Variants in CAD observed in about 807,000 individuals in gnomAD.
CAD encodes the protein multifunctional protein CAD.
A neutral mutation model predicts 237.2 loss-of-function variants in CAD; 81 were observed. The observed-to-expected ratio is 0.34, with a 90% CI of 0.29 to 0.41. The LOEUF (loss-of-function observed/expected upper bound fraction) is 0.41, where lower values mean the gene tolerates loss of function less well. CAD is among the 10% of genes least tolerant of loss of function. The pLI is 1.00. For synonymous variants in CAD, 1,196 were observed against 1,162.8 expected (o/e 1.03, Z -0.58); for missense variants, 2,181 against 2,951.7 (o/e 0.74, Z 6.05).
chr2:27,235,459 C>A lies in CAD; in HGVS notation c.3969+32C>A. 6.2e-7 allele frequency: 1 copy of A among 1,608,196 alleles called. No homozygotes were observed. Among genetic ancestry groups the A allele is most frequent in the South Asian group, 1.1e-5 (1 of 90,594 alleles). ...GAATCCAGGAGGGCTTCCCGAGGGC[C>A]GTGGCTCCCTGGGCCAGGGCTGACC... is the stretch of plus-strand genomic sequence containing the variant. On this transcript the variant is annotated intron_variant, in intron 24 of 43. Transcript: ENST00000264705. This position sits in a 1 kb window ranked among gnomAD's most constrained non-coding sequence, Gnocchi z 5.2.
intron 15 of CAD, 42 bp from the exon 16 acceptor site, chr2:27,231,426 T>C (rs575889866): frequency 2.6e-6 from 3 of 1,172,730 alleles, no homozygotes; most frequent in Non-Finnish European, 3.9e-6. Flanking sequence ...TTCCCACCCC[T>C]TCCACCTCCA....
At chr2:27,219,196 C>T (rs1349498596) in intron 2 of CAD, among the ~76,000 whole-genome samples, 1 of 152,216 alleles carries the variant, frequency 6.6e-6, no homozygotes, top group Non-Finnish European at 1.5e-5. Context: ...AACTATCCTT[C>T]AGATCCCTGG....
intron 7 of CAD, 64 bp from the exon 8 acceptor site, chr2:27,223,853 C>T (rs1345879124): frequency 3.4e-5 from 53 of 1,544,526 alleles, no homozygotes; most frequent in Non-Finnish European, 3.5e-5. Flanking sequence ...CCACTACCCA[C>T]CTCGAGGCTG....
chr2:27,229,701 C>T (rs576519997), intron 15 of CAD, among the ~76,000 whole-genome samples: 2 of 151,482 alleles, frequency 1.3e-5, no homozygotes, highest in African/African-American at 4.8e-5. Flanking sequence ...TATGGTGAAA[C>T]CCCATCTCTA....
chr2:27,221,852 ACCTTGTAACCTATTTGAAAACAGGT>A (rs1204891075), intron 3 of CAD, among the ~76,000 whole-genome samples: 1 of 125,678 alleles, frequency 8.0e-6, no homozygotes, highest in African/African-American at 3.2e-5. Flanking sequence ...TAATCTGTGG[ACCTTGTAACCTATTTGAAAACAGGT>A]CATTTTTCCT....
rs1405872435 is a variant in CAD, at chr2:27,232,208, G to A, written c.2629G>A (p.Ala877Thr). Residue 877 changes from alanine to threonine, a missense_variant, in exon 17 of 44, where the codon GCC becomes ACC. Around this residue, in one of 12 missense-constraint regions of CAD, gnomAD observed 385 missense variants for 535.1 expected, o/e 0.72. Coordinates refer to ENST00000264705, the MANE Select transcript of CAD (RefSeq NM_004341.5). The surrounding 1 kb of genome is among the most constrained non-coding windows in gnomAD (Gnocchi z 4.1). The stretch of plus-strand genomic sequence containing the variant: ...TCTTGGCTTCTCAGACAAACAGATT[G>A]CCCTTGCAGTTCTGAGGTCAGAGGT... ...KCLGFSDKQIALAVLSTELAV... is the reference protein window; with the variant it reads ...KCLGFSDKQITLAVLSTELAV... The A allele has an allele frequency of 3.1e-6, 5 of 1,614,124 alleles. No individual in the cohort carries two copies. The highest frequency in any genetic ancestry group is 4.2e-6 in the Non-Finnish European group (5 of 1,180,036).
intron 5 of CAD, 89 bp downstream of exon 5, chr2:27,222,749 G>A: frequency 6.3e-7 from 1 of 1,579,064 alleles, no homozygotes; most frequent in Non-Finnish European, 8.7e-7. Context: ...GTCAGTAGGA[G>A]TTGCAGTGAA....
chr2:27,241,994 T>C lies in CAD; in HGVS notation c.5967T>C (p.Gly1989=). ...CAGCAGCCATGGCCCGGCTGGGAGGTGCTGTGCTCAGCTTCTCGGAAGCCA... is the reference window on the plus strand; with the variant it reads ...CAGCAGCCATGGCCCGGCTGGGAGGCGCTGTGCTCAGCTTCTCGGAAGCCA... The part of the protein sequence containing the change: ...SFAAAMARLG[G]AVLSFSEATS... The change falls in exon 39 of 44, where the codon GGT becomes GGC. Residue 1989 remains glycine (G), a synonymous_variant. Transcript: ENST00000264705. The surrounding 1 kb of genome is among the most constrained non-coding windows in gnomAD (Gnocchi z 4.6). 2 of 1,612,990 alleles carry C rather than the reference T, an allele frequency of 1.2e-6. No individual in the cohort carries two copies. The highest frequency in any genetic ancestry group is 1.7e-6 in the Non-Finnish European group (2 of 1,179,954).
intron 2 of CAD, among the ~76,000 whole-genome samples, chr2:27,219,572 T>C (rs1675053437): frequency 6.6e-6 from 1 of 152,022 alleles, no homozygotes; most frequent in Non-Finnish European, 1.5e-5. Context: ...ATGTTATCTT[T>C]TTTTATTTAA....
Position 27,239,726 on chromosome 2 carries a change from T to G in CAD, c.5424T>G (p.Asp1808Glu). The change falls in exon 34 of 44, where the codon GAT (aspartate) becomes GAG (glutamate). Residue 1808 changes from aspartate (D) to glutamate (E), a missense_variant. Asp to Glu is a conservative substitution (Grantham distance 45). Transcript: ENST00000264705. This position sits in a 1 kb window ranked among gnomAD's most constrained non-coding sequence, Gnocchi z 4.0. ...TGGTACCCCCGGGCTATGGACAGGATGTACGGAAGTGGCCACAGGGGGCTG... is the reference window on the plus strand; with the variant it reads ...TGGTACCCCCGGGCTATGGACAGGAGGTACGGAAGTGGCCACAGGGGGCTG... ...QVLVPPGYGQ[D>E]VRKWPQGAVP... 3 of 1,594,048 alleles carry G rather than the reference T, an allele frequency of 1.9e-6. No homozygotes were observed. Among genetic ancestry groups the G allele is most frequent in the Non-Finnish European group, 2.6e-6 (3 of 1,169,704 alleles).
At position 27,243,617 on chromosome 2, in the gene CAD, C is replaced by A; in HGVS notation, c.*99C>A. ...AGCACACTTAGATATTCCTGGACAT[C>A]CAGATAGCTCACATGTGCTGACCAC... On this transcript the variant is annotated 3_prime_UTR_variant, in exon 44 of 44. Transcript: ENST00000264705. The A allele has an allele frequency of 3.3e-6, 3 of 917,864 alleles. No homozygotes were observed. The highest frequency in any genetic ancestry group is 5.1e-6 in the Non-Finnish European group (3 of 589,834). The allele number at this position is 917,864 out of a possible 1,614,324, so 56.9% of individuals were successfully genotyped here.
rs200901811 is a variant in CAD, at chr2:27,232,735, G to T, written c.2892+41G>T. 31 of 1,611,704 alleles carry T rather than the reference G, an allele frequency of 1.9e-5. No homozygotes were observed. The highest frequency in any genetic ancestry group is 2.5e-5 in the Non-Finnish European group (30 of 1,178,396). The stretch of plus-strand genomic sequence containing the variant: ...TTCTTTCCACTTTCCTTGCTATTCT[G>T]TTCATCTCTAGCAATTGCTTGGCAC... On this transcript the variant is annotated intron_variant, in intron 18 of 43. Transcript: ENST00000264705. The surrounding 1 kb of genome is among the most constrained non-coding windows in gnomAD (Gnocchi z 4.1).
chr2:27,222,222 G>T lies in CAD; in HGVS notation c.381G>T (p.Lys127Asn), dbSNP rs1558527588. 6 of 1,613,908 alleles carry T rather than the reference G, an allele frequency of 3.7e-6. No individual in the cohort carries two copies. The highest frequency in any genetic ancestry group is 5.1e-6 in the Non-Finnish European group (6 of 1,179,996). ...TAGACACTCGGGAGCTGACCAAGAAGTTGCGGGAACAGGGGTCTCTGCTGG... is the reference window on the plus strand; with the variant it reads ...TAGACACTCGGGAGCTGACCAAGAATTTGCGGGAACAGGGGTCTCTGCTGG... Reference protein sequence around the residue: ...QGVDTRELTKKLREQGSLLGK... With the variant: ...QGVDTRELTKNLREQGSLLGK... The change falls in exon 4 of 44, where the codon AAG becomes AAT. Residue 127 changes from lysine to asparagine, a missense_variant. Around this residue, in one of 12 missense-constraint regions of CAD, gnomAD observed 314 missense variants for 339.4 expected, o/e 0.93. Transcript: ENST00000264705.
At chr2:27,223,856 C>A in intron 7 of CAD, 61 bp from the exon 8 acceptor site, 1 of 1,547,032 alleles carries the variant, frequency 6.5e-7, no homozygotes, top group South Asian at 1.1e-5. Context: ...CTACCCACCT[C>A]GAGGCTGCCA....
rs375776020 is a variant in CAD at position 27,232,415 on chromosome 2, G to C, written c.2646-33G>C. On this transcript the variant is annotated intron_variant, in intron 17 of 43. Transcript: ENST00000264705. This position sits in a 1 kb window ranked among gnomAD's most constrained non-coding sequence, Gnocchi z 4.1. ...TCTATCAGTCTGTACCCTACTCTCT[G>C]GGCCTGTGTTTCAGACCCTTTTTCT... is the stretch of plus-strand genomic sequence containing the variant. 7 of 1,613,134 alleles carry C rather than the reference G, an allele frequency of 4.3e-6. No homozygotes were observed. In the Admixed American group the frequency reaches 5.0e-5, roughly 12 times the overall value.
At chr2:27,224,516 C>G in intron 9 of CAD, 26 bp downstream of exon 9, 1 of 1,609,772 alleles carries the variant, frequency 6.2e-7, no homozygotes, top group Non-Finnish European at 8.5e-7. Context: ...CCCCACCCTT[C>G]TGGGCGTGTG....
At chr2:27,222,751 T>TG in intron 5 of CAD, 91 bp downstream of exon 5, 1 of 1,577,710 alleles carries the variant, frequency 6.3e-7, no homozygotes, top group South Asian at 1.1e-5. Flanking sequence ...CAGTAGGAGT[T>TG]GCAGTGAAGA....
chr2:27,232,073 A>C lies in CAD; in HGVS notation c.2494A>C (p.Ile832Leu), dbSNP rs1675788162. The part of the protein sequence containing the change: ...SVDRLYELTR[I>L]DRWFLHRMKR... Reference sequence around the variant, plus strand: ...GGACCGCCTGTATGAGCTCACACGCATCGACCGCTGGTTCCTGCACCGAAT... The same window carrying C: ...GGACCGCCTGTATGAGCTCACACGCCTCGACCGCTGGTTCCTGCACCGAAT... Residue 832 changes from isoleucine to leucine, a missense_variant, in exon 17 of 44, where the codon ATC (isoleucine) becomes CTC (leucine). Physicochemically the swap from Ile to Leu is conservative, Grantham distance 5 (BLOSUM62 2). Coordinates refer to ENST00000264705, the MANE Select transcript of CAD (RefSeq NM_004341.5). The surrounding 1 kb of genome is among the most constrained non-coding windows in gnomAD (Gnocchi z 4.1). 2 of 1,614,248 alleles carry C rather than the reference A, an allele frequency of 1.2e-6. No individual in the cohort carries two copies. The highest frequency in any genetic ancestry group is 4.5e-5 in the East Asian group (2 of 44,886).
Position 27,238,564 on chromosome 2 carries a change from G to T in CAD, c.4994G>T (p.Gly1665Val). 6.2e-7 allele frequency: 1 copy of T among 1,614,110 alleles called. No homozygotes were observed. Among genetic ancestry groups the T allele is most frequent in the Non-Finnish European group, 8.5e-7 (1 of 1,180,018 alleles). Residue 1665 changes from glycine to valine, a missense_variant, in exon 31 of 44, where the codon GGC becomes GTC. Physicochemically the swap from Gly to Val is moderately radical, Grantham distance 109. Around this residue, in one of 12 missense-constraint regions of CAD, gnomAD observed 478 missense variants for 515.0 expected, o/e 0.93. Transcript: ENST00000264705. Reference sequence around the variant, plus strand: ...AAGGGGGAGGTCCGGCCTGAGCTTGGCTCCCGCCAGGATGTGGAAGCCCTG... The same window carrying T: ...AAGGGGGAGGTCCGGCCTGAGCTTGTCTCCCGCCAGGATGTGGAAGCCCTG... ...PGKGEVRPEL[G>V]SRQDVEALWE...
Sources: allele counts gnomAD v4.1 joint callset (sites outside exome capture counted in the v4.1 genomes callset), GRCh38; gene constraint gnomAD v4.1.1; regional missense constraint gnomAD v4.1.1; non-coding constraint Gnocchi (gnomAD v3.1); transcripts MANE v1.5; gene names NCBI Gene and HGNC (gene_info 2026-07-23, HGNC 2026-07-21).